TCF4: variants seen among roughly 807,000 people sequenced by gnomAD.
TCF4 encodes the protein SL3-3 enhancer factor 2.
TCF4 carries 3 observed loss-of-function variants against 82.1 expected under a neutral mutation model. The observed-to-expected ratio is 0.04, with a 90% CI of 0.02 to 0.09. TCF4 has a LOEUF of 0.09. TCF4 is among the 10% of genes least tolerant of loss of function. The probability of loss-of-function intolerance (pLI) is 1.00; values close to 1 mark genes in which losing one functional copy is unlikely to be tolerated. For synonymous variants in TCF4, 276 were observed against 309.6 expected (o/e 0.89, Z 1.14); for missense variants, 518 against 852.7 (o/e 0.61, Z 4.89).
intron 15 of TCF4, among the ~76,000 whole-genome samples, chr18:55,236,407 C>T (rs1192383174): frequency 6.6e-6 from 1 of 151,908 alleles, no homozygotes; most frequent in Non-Finnish European, 1.5e-5. Flanking sequence ...ATTTCACTCA[C>T]TGATTCTAGT....
At chr18:55,430,412 T>C (rs748333771) in intron 5 of TCF4, among the ~76,000 whole-genome samples, 8 of 152,362 alleles carry the variant, frequency 5.3e-5, no homozygotes, top group Non-Finnish European at 1.0e-4. Flanking sequence ...AACAGCAAAC[T>C]GGAAGAGGCA....
chr18:55,548,879 A>G (rs974650143), intron 3 of TCF4, among the ~76,000 whole-genome samples: 1 of 152,270 alleles, frequency 6.6e-6, no homozygotes, highest in Non-Finnish European at 1.5e-5. Context: ...CTTGCAGGAC[A>G]AGAAGTTGCT....
At chr18:55,412,478 C>A (rs1012934267) in intron 5 of TCF4, among the ~76,000 whole-genome samples, 1 of 152,036 alleles carries the variant, frequency 6.6e-6, no homozygotes. Flanking sequence ...CCCACTGGCC[C>A]GCTGCTCTGA....
chr18:55,492,463 G>A (rs1351039967), intron 3 of TCF4, among the ~76,000 whole-genome samples: 2 of 152,158 alleles, frequency 1.3e-5, no homozygotes, highest in South Asian at 4.1e-4. Flanking sequence ...AAAGAGAAAA[G>A]TTGGGGGGTC....
intron 3 of TCF4, among the ~76,000 whole-genome samples, chr18:55,559,732 G>A (rs2097338882): frequency 6.6e-6 from 1 of 151,790 alleles, no homozygotes; most frequent in South Asian, 2.1e-4. Context: ...GTGCTAAAGG[G>A]TGGTTTTGTA....
chr18:55,597,922 G>A (rs2097692813), intron 2 of TCF4, among the ~76,000 whole-genome samples: 1 of 152,104 alleles, frequency 6.6e-6, no homozygotes, highest in Admixed American at 6.6e-5. Flanking sequence ...ACATGACATT[G>A]AGGACACAAG....
chr18:55,478,105 G>C (rs185331932), intron 3 of TCF4, among the ~76,000 whole-genome samples: 1 of 152,334 alleles, frequency 6.6e-6, no homozygotes, highest in Admixed American at 6.5e-5. Context: ...ACAAGAAGCA[G>C]GGAAGGGGTT....
intron 8 of TCF4, among the ~76,000 whole-genome samples, chr18:55,340,352 G>A (rs939396507): frequency 2.6e-5 from 4 of 151,996 alleles, no homozygotes; most frequent in African/African-American, 4.8e-5. Flanking sequence ...GGCTGACTAC[G>A]TGTCTTGGTT....
chr18:55,556,418 T>C (rs2147228594), intron 3 of TCF4, among the ~76,000 whole-genome samples: 1 of 152,366 alleles, frequency 6.6e-6, no homozygotes, highest in Non-Finnish European at 1.5e-5. Context: ...AAATAAGATA[T>C]TAAATTCACA....
At chr18:55,498,915 C>T (rs1400282668) in intron 3 of TCF4, among the ~76,000 whole-genome samples, 1 of 152,080 alleles carries the variant, frequency 6.6e-6, no homozygotes, top group Non-Finnish European at 1.5e-5. Context: ...CCTTAAATCC[C>T]TGTGGGCAGT....
chr18:55,463,927 T>A, intron 4 of TCF4, 149 bp downstream of exon 4: 1 of 829,526 alleles, frequency 1.2e-6, no homozygotes, highest in East Asian at 2.4e-5. Context: ...TGTGTTTGTG[T>A]GCGTGTGCAT....
chr18:55,622,489 G>A (rs1041908751), intron 2 of TCF4, among the ~76,000 whole-genome samples: 6 of 143,258 alleles, frequency 4.2e-5, no homozygotes, highest in Non-Finnish European at 7.5e-5. Flanking sequence ...TGGCAACAGA[G>A]CGAGACTCAA....
chr18:55,599,056 T>A (rs2097694035), intron 2 of TCF4, among the ~76,000 whole-genome samples: 2 of 152,210 alleles, frequency 1.3e-5, no homozygotes, highest in African/African-American at 4.8e-5. Flanking sequence ...CTGGTTTACA[T>A]TCATCCCTAA....
chr18:55,451,918 A>T (rs954157217), intron 5 of TCF4, among the ~76,000 whole-genome samples: 9 of 152,186 alleles, frequency 5.9e-5, no homozygotes, highest in African/African-American at 2.2e-4. Flanking sequence ...AAGCGGGAGG[A>T]TCACTTGAGC....
intron 8 of TCF4, among the ~76,000 whole-genome samples, chr18:55,306,899 T>A (rs2070552590): frequency 6.6e-6 from 1 of 152,170 alleles, no homozygotes; most frequent in Non-Finnish European, 1.5e-5. Context: ...GGAACTCTCC[T>A]TCTGGGAAAA....
At chr18:55,343,518 G>T (rs1338581527) in intron 8 of TCF4, among the ~76,000 whole-genome samples, 2 of 152,102 alleles carry the variant, frequency 1.3e-5, no homozygotes, top group East Asian at 3.9e-4. Context: ...TTCTTAAAAT[G>T]TTCCTTTCAA....
In TCF4 at chr18:55,267,639, T is replaced by G. The variant is rs534749964; in HGVS notation, c.922+2192A>C. On this transcript the variant is annotated intron_variant, in intron 11 of 19. Transcript: ENST00000354452. ...AAGTAACCTTAAAGTAATATCTGTA[T>G]CTATGCATAATAATAAAGGTTTGCT... 3.7e-4 allele frequency: 57 copies of G among 152,294 alleles called. 1 individual carries two copies. Among genetic ancestry groups the G allele is most frequent in the African/African-American group, 1.3e-3 (52 of 41,572 alleles). The allele number at this position is 152,294 out of a possible 1,614,324, so 9.4% of individuals were successfully genotyped here.
chr18:55,388,913 G>A (rs2092828507), intron 6 of TCF4, among the ~76,000 whole-genome samples: 2 of 152,052 alleles, frequency 1.3e-5, no homozygotes, highest in Admixed American at 1.3e-4. Flanking sequence ...CACGAGGTCA[G>A]GAGATTGAGA....
At chr18:55,317,928 A>G (rs1443269752) in intron 8 of TCF4, among the ~76,000 whole-genome samples, 1 of 152,158 alleles carries the variant, frequency 6.6e-6, no homozygotes, top group Non-Finnish European at 1.5e-5. Context: ...TAAAAAGCTC[A>G]TTACCATTTA....
Sources: gnomAD v4.1 joint callset for allele counts (sites outside exome capture counted in the v4.1 genomes callset) on GRCh38, gnomAD v4.1.1 for gene constraint, MANE v1.5 for transcripts, NCBI Gene and HGNC (gene_info 2026-07-23, HGNC 2026-07-21) for gene names.